MCM3AP: variants seen among roughly 807,000 people sequenced by gnomAD.
MCM3AP encodes the protein germinal-center associated nuclear protein.
A neutral mutation model predicts 184.1 loss-of-function variants in MCM3AP; 126 were observed. That is an observed-to-expected ratio of 0.68 (90% CI 0.59 to 0.79). MCM3AP has a LOEUF of 0.79. MCM3AP is among the 30% of genes least tolerant of loss of function. The pLI is 0.00. For synonymous variants in MCM3AP, 1,002 were observed against 979.3 expected, an observed-to-expected ratio of 1.02 and a Z score of -0.43; for missense variants, 2,496 against 2,479.2, an observed-to-expected ratio of 1.01 and a Z score of -0.14.
At chr21:46,240,335 T>C (rs994717332) in intron 26 of MCM3AP, among the ~76,000 whole-genome samples, 10 of 152,006 alleles carry the variant, frequency 6.6e-5, no homozygotes, top group African/African-American at 2.4e-4. Flanking sequence ...TTCTACTCAG[T>C]AAAATGGTAA....
At position 46,258,737 on chromosome 21, in the gene MCM3AP, A is replaced by G. The variant is rs77430105; in HGVS notation, c.3734+202T>C. The stretch of plus-strand genomic sequence containing the variant: ...CTCCTGACTTTTCCCCTTATATTGT[A>G]TGTGTGTGTGTGTGTGTGTGTAATC... On this transcript the variant is annotated intron_variant, in intron 16 of 27. Transcript: ENST00000291688. Among the ~76,000 whole-genome samples the G allele has an allele frequency of 0.046, 6,914 of 150,160 alleles. 222 individuals are homozygous for G. Among genetic ancestry groups the G allele is most frequent in the Non-Finnish European group, 0.069 (4,654 of 67,522 alleles).
At chr21:46,269,746 G>A (rs1435954595) in intron 9 of MCM3AP, among the ~76,000 whole-genome samples, 1 of 152,246 alleles carries the variant, frequency 6.6e-6, no homozygotes, top group Non-Finnish European at 1.5e-5. Context: ...TGTGCGAGGT[G>A]AGGTGGCGCT....
Position 46,243,730 on chromosome 21 carries a change from GA to G in MCM3AP, c.5039-9del, listed in dbSNP as rs1450291830. On this transcript the variant is annotated splice_polypyrimidine_tract_variant and intron_variant, in intron 23 of 27. Transcript: ENST00000291688. ...ACACGGGGAGCCAGGGGGCTGGGGA[GA>G]AAGTGCCTCATTAGTTACAGGTTTG... 3 of 1,612,674 alleles carry G rather than the reference GA, an allele frequency of 1.9e-6. No individual in the cohort carries two copies. Among genetic ancestry groups the G allele is most frequent in the Non-Finnish European group, 2.5e-6 (3 of 1,179,578 alleles).
intron 19 of MCM3AP, 180 bp from the exon 20 acceptor site, chr21:46,251,862 G>C: frequency 2.6e-6 from 1 of 381,274 alleles, no homozygotes; most frequent in Non-Finnish European, 4.9e-6. Context: ...TTAAAATGGA[G>C]CAACGATCTG....
chr21:46,264,009 G>T, intron 13 of MCM3AP, 108 bp downstream of exon 13: 2 of 642,014 alleles, frequency 3.1e-6, no homozygotes, highest in East Asian at 2.7e-5. Context: ...ATAACTTATT[G>T]GATTATGACT....
intron 5 of MCM3AP, among the ~76,000 whole-genome samples, chr21:46,276,373 T>C (rs2081255107): frequency 6.6e-6 from 1 of 152,182 alleles, no homozygotes; most frequent in African/African-American, 2.4e-5. Flanking sequence ...TATATGTTAT[T>C]ATATTAAGGA....
chr21:46,249,949 G>A (rs568097359), intron 20 of MCM3AP: 60 of 175,378 alleles, frequency 3.4e-4, no homozygotes, highest in African/African-American at 1.3e-3. Flanking sequence ...TGGAGGAGCA[G>A]GGACACATAT....
intron 7 of MCM3AP, 70 bp from the exon 8 acceptor site, chr21:46,272,899 G>A: frequency 7.1e-7 from 1 of 1,399,472 alleles, no homozygotes; most frequent in Admixed American, 2.3e-5. Flanking sequence ...GAAGGATCAT[G>A]CTACGACCTC....
At chr21:46,266,511 T>C (rs1314657295) in intron 10 of MCM3AP, 7 of 245,312 alleles carry the variant, frequency 2.9e-5, no homozygotes, top group Non-Finnish European at 4.7e-5. Context: ...GGTGAGGAGT[T>C]AGAGGAGACA....
rs149381736 is a variant in MCM3AP at position 46,284,437 on chromosome 21, G to A, written c.850C>T (p.Leu284Phe). Residue 284 changes from leucine to phenylalanine, a missense_variant, in exon 1 of 28, where the codon CTT (leucine) becomes TTT (phenylalanine). By Grantham distance (22) the Leu-to-Phe change is conservative. Around this residue, in one of 5 missense-constraint regions of MCM3AP, gnomAD observed 800 missense variants for 717.1 expected, o/e 1.12. Coordinates refer to ENST00000291688, the MANE Select transcript of MCM3AP (RefSeq NM_003906.5). ...TTCAGTCCTTTCATTAGGCTGGGAA[G>A]TGGTTCCACCTGGGAAACAGCTTCT... ...CEEAVSQVEP[L>F]PSLMKGLKRK... 8 of 1,614,012 alleles carry A rather than the reference G, an allele frequency of 5.0e-6. No individual in the cohort carries two copies. In the African/African-American group the frequency reaches 5.3e-5, roughly 11 times the overall value.
intron 23 of MCM3AP, among the ~76,000 whole-genome samples, chr21:46,244,208 C>T (rs978614774): frequency 5.9e-5 from 9 of 152,246 alleles, no homozygotes; most frequent in Non-Finnish European, 1.2e-4. Flanking sequence ...GCCACAACTT[C>T]TGCCAGATAA....
At chr21:46,267,447 G>C (rs146333592) in intron 9 of MCM3AP, 44 of 322,378 alleles carry the variant, frequency 1.4e-4, no homozygotes, top group African/African-American at 8.1e-4. Flanking sequence ...GAAGTCAGCT[G>C]TGCAGCATCC....
At chr21:46,247,059 T>C (rs1170435481) in intron 20 of MCM3AP, 173 bp from the exon 21 acceptor site, 1 of 587,478 alleles carries the variant, frequency 1.7e-6, no homozygotes, top group Admixed American at 3.0e-5. Context: ...TTACTTCCTG[T>C]AGTTATTTTA....
At position 46,259,111 on chromosome 21, in the gene MCM3AP, C is replaced by A; in HGVS notation, c.3582-20G>T. 1 of 1,594,516 alleles carries A rather than the reference C, an allele frequency of 6.3e-7. No individual in the cohort carries two copies. On this transcript the variant is annotated intron_variant, in intron 15 of 27. Coordinates refer to ENST00000291688, the MANE Select transcript of MCM3AP (RefSeq NM_003906.5). ...GCATTCCTAGAAACAGGGCAATCAGCATGGAAGACACTGCACTTGGGGCCC... is the reference window on the plus strand; with the variant it reads ...GCATTCCTAGAAACAGGGCAATCAGAATGGAAGACACTGCACTTGGGGCCC...
intron 2 of MCM3AP, among the ~76,000 whole-genome samples, chr21:46,282,547 G>A (rs1031119214): frequency 2.0e-5 from 3 of 152,306 alleles, no homozygotes; most frequent in African/African-American, 7.2e-5. Context: ...GCTCACGCCT[G>A]TAATCCCAGC....
Position 46,238,401 on chromosome 21 carries a change from C to T in MCM3AP, c.5634-1422G>A, listed in dbSNP as rs573547733. 9.2e-5 allele frequency among the ~76,000 whole-genome samples: 11 copies of T among 120,050 alleles called. 5 individuals are homozygous for T. Among genetic ancestry groups the T allele is most frequent in the Admixed American group, 1.8e-4 (2 of 11,110 alleles). The allele number at this position is 120,050 out of a possible 152,430, so 78.8% of individuals were successfully genotyped here. A position where few individuals can be genotyped will look rare whatever the true frequency, so the allele number is the denominator to read the frequency against. On this transcript the variant is annotated intron_variant, in intron 26 of 27. Transcript: ENST00000291688. ...TCTAGAGCTGTCTACTTCCATATACCGGTCTTTTCAAGAAAAACAATCTTG... is the reference window on the plus strand; with the variant it reads ...TCTAGAGCTGTCTACTTCCATATACTGGTCTTTTCAAGAAAAACAATCTTG...
At position 46,244,991 on chromosome 21, in the gene MCM3AP, G is replaced by A; in HGVS notation, c.4854C>T (p.Phe1618=). 6.2e-7 allele frequency: 1 copy of A among 1,614,208 alleles called. No individual in the cohort carries two copies. The highest frequency in any genetic ancestry group is 8.5e-7 in the Non-Finnish European group (1 of 1,180,030). The part of the protein sequence containing the change: ...IIELFNSVLQ[F]LASVVSSEQL... ...GTTCAGAGGACACCACAGAAGCCAG[G>A]AACTGCAGCACACTGTTAAACAGCT... Residue 1618 remains phenylalanine (F), a synonymous_variant, in exon 23 of 28, where the codon TTC becomes TTT. Transcript: ENST00000291688.
intron 25 of MCM3AP, chr21:46,241,240 G>A: frequency 1.8e-6 from 1 of 550,498 alleles, no homozygotes; most frequent in South Asian, 2.1e-5. Context: ...TGCACTGTAG[G>A]GACCCTTATG....
chr21:46,275,323 G>C lies in MCM3AP; in HGVS notation c.1861C>G (p.Arg621Gly). The change falls in exon 6 of 28, where the codon CGG (arginine) becomes GGG (glycine). Residue 621 changes from arginine to glycine, a missense_variant and splice_region_variant. By Grantham distance (125) the Arg-to-Gly change is moderately radical (BLOSUM62 -2). Transcript: ENST00000291688. ...TTGTCCAGATCGGTTCTCTTCACCCGAGCTAAATGACGTCAAGTAAAAGGT... is the reference window on the plus strand; with the variant it reads ...TTGTCCAGATCGGTTCTCTTCACCCCAGCTAAATGACGTCAAGTAAAAGGT... ...DQRDRIMRQA[R>G]VKRTDLDKAR... 4 of 1,611,308 alleles carry C rather than the reference G, an allele frequency of 2.5e-6. No individual in the cohort carries two copies. The highest frequency in any genetic ancestry group is 3.4e-6 in the Non-Finnish European group (4 of 1,179,034).
Sources: gnomAD v4.1 joint callset for allele counts (sites outside exome capture counted in the v4.1 genomes callset) on GRCh38, gnomAD v4.1.1 for gene constraint, gnomAD v4.1.1 regional missense constraint, MANE v1.5 for transcripts, NCBI Gene and HGNC (gene_info 2026-07-23, HGNC 2026-07-21) for gene names.